Variants in SV2B observed in about 807,000 individuals in gnomAD.
SV2B encodes the protein synaptic vesicle glycoprotein 2B, also known as solute carrier family 22 member B2.
A neutral mutation model predicts 73.9 loss-of-function variants in SV2B; 41 were observed. That is an observed-to-expected ratio of 0.56 (90% CI 0.43 to 0.72). The LOEUF (loss-of-function observed/expected upper bound fraction) is 0.72. Ranked by LOEUF, SV2B falls within the 30% of genes least tolerant of loss-of-function variation. The probability of loss-of-function intolerance (pLI) is 0.00; values close to 1 mark genes in which losing one functional copy is unlikely to be tolerated. For missense variants in SV2B, 764 were observed against 857.8 expected (o/e 0.89, Z 1.37); for synonymous variants, 314 against 314.2 (o/e 1.00, Z 0.01).
Position 91,130,471 on chromosome 15 carries a change from T to A in SV2B, c.-392+30108T>A, listed in dbSNP as rs1484557973. On this transcript the variant is annotated intron_variant, in intron 1 of 12. Coordinates refer to ENST00000394232, the MANE Select transcript of SV2B (RefSeq NM_001323032.3). This position sits in a 1 kb window ranked among gnomAD's most constrained non-coding sequence, Gnocchi z 5.6. ...CTAGAACCATAGAGAAGATTTGCATTGAAAATGGAAGTGGAGGGTAAGGAA... is the reference window on the plus strand; with the variant it reads ...CTAGAACCATAGAGAAGATTTGCATAGAAAATGGAAGTGGAGGGTAAGGAA... Among the ~76,000 whole-genome samples the A allele has an allele frequency of 2.0e-5, 3 of 151,798 alleles. No individual in the cohort carries two copies. Among genetic ancestry groups the A allele is most frequent in the Non-Finnish European group, 4.4e-5 (3 of 67,966 alleles).
rs954349918 is a variant in SV2B, at chr15:91,295,845, C to A, written c.*3293C>A. 3 of 152,196 alleles carry A rather than the reference C, an allele frequency of 2.0e-5. No homozygotes were observed. Among genetic ancestry groups the A allele is most frequent in the Non-Finnish European group, 4.4e-5 (3 of 68,032 alleles). 9.4% of individuals were successfully genotyped at this position (152,196 alleles called of 1,614,324 possible). ...GTCTCTCTGCCAAGCCCTGGGGACA[C>A]AGTGATGAAAAAACTGGCCACAGTT... On this transcript the variant is annotated 3_prime_UTR_variant, in exon 13 of 13. Transcript: ENST00000394232.
chr15:91,216,204 C>T (rs77769893), intron 1 of SV2B, among the ~76,000 whole-genome samples: 2,652 of 152,220 alleles, frequency 0.017, 59 homozygotes, highest in East Asian at 0.12. Context: ...TTTCAGCCCA[C>T]GGGTTGATGT....
chr15:91,165,361 TG>T (rs1167222010), intron 1 of SV2B, among the ~76,000 whole-genome samples: 1 of 152,194 alleles, frequency 6.6e-6, no homozygotes, highest in Non-Finnish European at 1.5e-5. Context: ...AAAGGATGGT[TG>T]TATCAGTATT....
At position 91,290,938 on chromosome 15, in the gene SV2B, C is replaced by T. The variant is rs113203144; in HGVS notation, c.1868+1258C>T. Among the ~76,000 whole-genome samples the T allele has an allele frequency of 0.011, 1,636 of 151,794 alleles. 29 individuals are homozygous for T. Among genetic ancestry groups the T allele is most frequent in the African/African-American group, 0.036 (1,505 of 41,378 alleles). Reference sequence around the variant, plus strand: ...CTGAGGGGGAGAGCTGCGAGAGCCCCGGGGTTTCAGGGTTACAGTGAGCTA... The same window carrying T: ...CTGAGGGGGAGAGCTGCGAGAGCCCTGGGGTTTCAGGGTTACAGTGAGCTA... On this transcript the variant is annotated intron_variant, in intron 12 of 12. Coordinates refer to ENST00000394232, the MANE Select transcript of SV2B (RefSeq NM_001323032.3). The surrounding 1 kb of genome is among the most constrained non-coding windows in gnomAD (Gnocchi z 4.7).
rs1162687903 is a variant in SV2B, at chr15:91,100,721, A to G, written c.-392+358A>G. Among the ~76,000 whole-genome samples the G allele has an allele frequency of 6.6e-6, 1 of 152,196 alleles. No homozygotes were observed. Among genetic ancestry groups the G allele is most frequent in the Non-Finnish European group, 1.5e-5 (1 of 68,028 alleles). ...CTTCCTAGCCGCTGCTTTTAGTTTC[A>G]GTTACATTCTAGTAGATAGATTTTG... is the stretch of plus-strand genomic sequence containing the variant. On this transcript the variant is annotated intron_variant, in intron 1 of 12. Coordinates refer to ENST00000394232, the MANE Select transcript of SV2B (RefSeq NM_001323032.3). The surrounding 1 kb of genome is among the most constrained non-coding windows in gnomAD (Gnocchi z 6.4).
chr15:91,211,035 A>G (rs903377324), intron 1 of SV2B, among the ~76,000 whole-genome samples: 1 of 152,220 alleles, frequency 6.6e-6, no homozygotes, highest in East Asian at 1.9e-4. Flanking sequence ...CCACACCCCT[A>G]GGGAGGGACG....
Position 91,252,635 on chromosome 15 carries a change from A to AC in SV2B, c.784+117dup. 1 of 1,127,594 alleles carries AC rather than the reference A, an allele frequency of 8.9e-7. No homozygotes were observed. The highest frequency in any genetic ancestry group is 1.1e-6 in the Non-Finnish European group (1 of 875,352). The allele number at this position is 1,127,594 out of a possible 1,614,324, so 69.8% of individuals were successfully genotyped here. A position where few individuals can be genotyped will look rare whatever the true frequency, so the allele number is the denominator to read the frequency against. ...TACTCACGCACAGTTCCCGTACGTG[A>AC]CCTTGATCTTTCTTAACAACTTCTA... On this transcript the variant is annotated intron_variant, in intron 4 of 12. Coordinates refer to ENST00000394232, the MANE Select transcript of SV2B (RefSeq NM_001323032.3). The surrounding 1 kb of genome is among the most constrained non-coding windows in gnomAD (Gnocchi z 4.6).
chr15:91,173,090 T>C (rs189754511), intron 1 of SV2B, among the ~76,000 whole-genome samples: 2 of 152,228 alleles, frequency 1.3e-5, no homozygotes, highest in Admixed American at 6.5e-5. Context: ...GTTGGTGCGA[T>C]GAGGAGTGGG....
At chr15:91,204,638 C>T (rs1302721919) in intron 1 of SV2B, among the ~76,000 whole-genome samples, 1 of 150,518 alleles carries the variant, frequency 6.6e-6, no homozygotes, top group African/African-American at 2.4e-5. Flanking sequence ...CTCACTGTAG[C>T]CTTGAACCTC....
chr15:91,234,107 A>C lies in SV2B; in HGVS notation c.451+7393A>C, dbSNP rs373022420. On this transcript the variant is annotated intron_variant, in intron 2 of 12. Transcript: ENST00000394232. The surrounding 1 kb of genome is among the most constrained non-coding windows in gnomAD (Gnocchi z 5.6). ...TTGGTTGGCTGAAATGTAGACCAAA[A>C]TGTGGCCCATAGTAAATGAAGTCGA... is the stretch of plus-strand genomic sequence containing the variant. 1.4e-4 allele frequency among the ~76,000 whole-genome samples: 22 copies of C among 152,238 alleles called. No individual in the cohort carries two copies. The highest frequency in any genetic ancestry group is 7.7e-4 in the East Asian group (4 of 5,196).
chr15:91,247,852 C>G (rs2047303245), intron 2 of SV2B, among the ~76,000 whole-genome samples: 1 of 152,112 alleles, frequency 6.6e-6, no homozygotes, highest in African/African-American at 2.4e-5. Context: ...AGGAGGGTGG[C>G]TTTGGAGCTG....
Position 91,136,909 on chromosome 15 carries a change from A to G in SV2B, c.-392+36546A>G, listed in dbSNP as rs1435698042. Among the ~76,000 whole-genome samples, 1 of 152,202 alleles carries G rather than the reference A, an allele frequency of 6.6e-6. No homozygotes were observed. Among genetic ancestry groups the G allele is most frequent in the Non-Finnish European group, 1.5e-5 (1 of 68,034 alleles). On this transcript the variant is annotated intron_variant, in intron 1 of 12. Coordinates refer to ENST00000394232, the MANE Select transcript of SV2B (RefSeq NM_001323032.3). This position sits in a 1 kb window ranked among gnomAD's most constrained non-coding sequence, Gnocchi z 5.6. Reference sequence around the variant, plus strand: ...CCAGCTTATTCCTGCTCTCCTGGTCAATGGCAACTTACCTTGACCGGGATT... The same window carrying G: ...CCAGCTTATTCCTGCTCTCCTGGTCGATGGCAACTTACCTTGACCGGGATT...
chr15:91,147,322 C>T (rs974857401), intron 1 of SV2B, among the ~76,000 whole-genome samples: 31 of 152,038 alleles, frequency 2.0e-4, no homozygotes, highest in African/African-American at 7.0e-4. Context: ...TCTGGAGCTC[C>T]CTGAGATGTG....
At chr15:91,150,689 C>T (rs536020752) in intron 1 of SV2B, among the ~76,000 whole-genome samples, 18 of 152,142 alleles carry the variant, frequency 1.2e-4, no homozygotes, top group African/African-American at 3.6e-4. Context: ...TGTAAGGAAA[C>T]GAATTCCATC....
chr15:91,252,796 C>T lies in SV2B; in HGVS notation c.784+276C>T, dbSNP rs896629361. ...CCTCTCTCCCTTTCTTGTTTCCTTA[C>T]TTTTATTTGAAATAATTTCAACCTT... On this transcript the variant is annotated intron_variant, in intron 4 of 12. Transcript: ENST00000394232. The surrounding 1 kb of genome is among the most constrained non-coding windows in gnomAD (Gnocchi z 4.6). Among the ~76,000 whole-genome samples the T allele has an allele frequency of 6.6e-6, 1 of 151,804 alleles. No individual in the cohort carries two copies. Among genetic ancestry groups the T allele is most frequent in the African/African-American group, 2.4e-5 (1 of 41,290 alleles).
rs2049362103 is a variant in SV2B, at chr15:91,299,348, T to C, written c.*6796T>C. The C allele has an allele frequency of 6.6e-6, 1 of 152,186 alleles. No individual in the cohort carries two copies. Among genetic ancestry groups the C allele is most frequent in the Non-Finnish European group, 1.5e-5 (1 of 68,028 alleles). 9.4% of individuals were successfully genotyped at this position (152,186 alleles called of 1,614,324 possible). A position where few individuals can be genotyped will look rare whatever the true frequency, so the allele number is the denominator to read the frequency against. ...CAAATCCCATAGACACCCAAAATAC[T>C]AAAAGTGACAAAACAATACTTCTTT... On this transcript the variant is annotated 3_prime_UTR_variant, in exon 13 of 13. Coordinates refer to ENST00000394232, the MANE Select transcript of SV2B (RefSeq NM_001323032.3).
Position 91,121,293 on chromosome 15 carries a change from A to G in SV2B, c.-392+20930A>G, listed in dbSNP as rs1224467517. Among the ~76,000 whole-genome samples, 1 of 152,098 alleles carries G rather than the reference A, an allele frequency of 6.6e-6. No homozygotes were observed. Among genetic ancestry groups the G allele is most frequent in the Non-Finnish European group, 1.5e-5 (1 of 68,026 alleles). ...TGGCTGTACTTTAGAATCAAGTGAG[A>G]AATTTATTAATTTTCCCCCCTAACC... is the stretch of plus-strand genomic sequence containing the variant. On this transcript the variant is annotated intron_variant, in intron 1 of 12. Coordinates refer to ENST00000394232, the MANE Select transcript of SV2B (RefSeq NM_001323032.3). This position sits in a 1 kb window ranked among gnomAD's most constrained non-coding sequence, Gnocchi z 4.4.
intron 1 of SV2B, among the ~76,000 whole-genome samples, chr15:91,201,087 C>G (rs2045443874): frequency 6.6e-6 from 1 of 152,146 alleles, no homozygotes; most frequent in Non-Finnish European, 1.5e-5. Flanking sequence ...ATGCTATTCC[C>G]TTTATCTTGA....
rs939061918 is a variant in SV2B, at chr15:91,300,084, T to C, written c.*7532T>C. 1 of 152,240 alleles carries C rather than the reference T, an allele frequency of 6.6e-6. No homozygotes were observed. The highest frequency in any genetic ancestry group is 2.4e-5 in the African/African-American group (1 of 41,460). The allele number at this position is 152,240 out of a possible 1,614,324, so 9.4% of individuals were successfully genotyped here. A position where few individuals can be genotyped will look rare whatever the true frequency, so the allele number is the denominator to read the frequency against. On this transcript the variant is annotated 3_prime_UTR_variant, in exon 13 of 13. Transcript: ENST00000394232. ...ATACTTGCTGTGCACTAGTCAGTTT[T>C]GATTCAGGTTACATAAGGGATAAAA...
Sources: gnomAD v4.1 joint callset for allele counts (sites outside exome capture counted in the v4.1 genomes callset) on GRCh38, gnomAD v4.1.1 for gene constraint, Gnocchi (gnomAD v3.1) non-coding constraint, MANE v1.5 for transcripts, NCBI Gene and HGNC (gene_info 2026-07-23, HGNC 2026-07-21) for gene names.